Variants in XKR4 observed in about 807,000 individuals in gnomAD.
XKR4 encodes the protein XK-related protein 4.
In XKR4, 12 loss-of-function variants were observed where a neutral mutation model predicts 53.9. That is an observed-to-expected ratio of 0.22 (90% CI 0.14 to 0.36). The LOEUF (loss-of-function observed/expected upper bound fraction) is 0.36. Among genes scored for constraint, XKR4 ranks in the 10% least tolerant of loss-of-function variants. The pLI, the probability that XKR4 is intolerant of heterozygous loss-of-function variation, is 1.00. For synonymous variants in XKR4, 354 were observed against 362.4 expected (o/e 0.98, Z 0.26); for missense variants, 799 against 859.5 (o/e 0.93, Z 0.88).
At chr8:55,397,374 C>T (rs1241973770) in intron 2 of XKR4, among the ~76,000 whole-genome samples, 4 of 152,154 alleles carry the variant, frequency 2.6e-5, no homozygotes, top group Non-Finnish European at 5.9e-5. Flanking sequence ...CTTCTCACTG[C>T]TTTATTCAAA....
At chr8:55,254,462 TC>T in intron 1 of XKR4, among the ~76,000 whole-genome samples, 1 of 152,200 alleles carries the variant, frequency 6.6e-6, no homozygotes, top group South Asian at 2.1e-4. Context: ...CAAGTGCTTT[TC>T]TTTTTCTAGG....
chr8:55,194,326 C>T (rs1424140025), intron 1 of XKR4, among the ~76,000 whole-genome samples: 1 of 152,224 alleles, frequency 6.6e-6, no homozygotes, highest in East Asian at 1.9e-4. Flanking sequence ...AGGCCTCCCT[C>T]TCTGGCTGCT....
intron 1 of XKR4, among the ~76,000 whole-genome samples, chr8:55,234,831 T>C (rs565865941): frequency 9.1e-4 from 139 of 152,230 alleles, no homozygotes; most frequent in Non-Finnish European, 1.9e-3. Context: ...TCTCAGGACA[T>C]AGCGCAGACC....
chr8:55,417,313 C>A (rs1804865735), intron 2 of XKR4, among the ~76,000 whole-genome samples: 1 of 152,114 alleles, frequency 6.6e-6, no homozygotes, highest in Non-Finnish European at 1.5e-5. Context: ...AGAAGTTTTT[C>A]TTTTCTTTTC....
chr8:55,357,840 C>A lies in XKR4; in HGVS notation c.969C>A (p.Cys323Ter). The A allele has an allele frequency of 6.2e-7, 1 of 1,614,140 alleles. No individual in the cohort carries two copies. The highest frequency in any genetic ancestry group is 8.5e-7 in the Non-Finnish European group (1 of 1,180,012). ...ESAPQLVLQL[C>*]IIVQTHSLQA... is the part of the protein sequence containing the mutation. The stretch of plus-strand genomic sequence containing the variant: ...CTCCACAGCTGGTCCTGCAGCTCTG[C>A]ATTATCGTACAGACTCATAGCTTAC... The change falls in exon 2 of 3, where the codon TGC becomes TGA. Residue 323 changes from cysteine (C) to a stop codon, truncating the protein, a stop_gained. Coordinates refer to ENST00000327381, the MANE Select transcript of XKR4 (RefSeq NM_052898.2). LOFTEE classifies it high-confidence loss of function.
At chr8:55,111,476 C>T (rs1397462772) in intron 1 of XKR4, among the ~76,000 whole-genome samples, 4 of 152,002 alleles carry the variant, frequency 2.6e-5, no homozygotes. Flanking sequence ...AGGGACTTTC[C>T]AGGGTTGATA....
At chr8:55,383,316 C>T (rs1193568485) in intron 2 of XKR4, among the ~76,000 whole-genome samples, 2 of 152,244 alleles carry the variant, frequency 1.3e-5, no homozygotes, top group Admixed American at 6.5e-5. Flanking sequence ...TACCTAATTA[C>T]ATCTCTGACC....
intron 1 of XKR4, among the ~76,000 whole-genome samples, chr8:55,225,099 T>C (rs1457521191): frequency 6.6e-6 from 1 of 152,248 alleles, no homozygotes; most frequent in African/African-American, 2.4e-5. Context: ...CCTTAAGCTA[T>C]TCAAGTAAAT....
intron 1 of XKR4, among the ~76,000 whole-genome samples, chr8:55,112,153 A>C (rs749139068): frequency 1.1e-4 from 16 of 152,218 alleles, no homozygotes; most frequent in Non-Finnish European, 2.4e-4. Flanking sequence ...AATTATCTGA[A>C]CAAAGTATGT....
intron 2 of XKR4, among the ~76,000 whole-genome samples, chr8:55,472,232 G>A (rs1352760580): frequency 6.6e-6 from 1 of 152,048 alleles, no homozygotes; most frequent in African/African-American, 2.4e-5. Flanking sequence ...GGAGGGGATA[G>A]GTAGCTCTCA....
intron 1 of XKR4, among the ~76,000 whole-genome samples, chr8:55,154,454 A>G (rs1191461464): frequency 6.6e-6 from 1 of 152,188 alleles, no homozygotes; most frequent in African/African-American, 2.4e-5. Context: ...TTTAAATTTA[A>G]TTTTCTACTT....
intron 1 of XKR4, among the ~76,000 whole-genome samples, chr8:55,258,256 G>A (rs1313973016): frequency 6.6e-6 from 1 of 152,188 alleles, no homozygotes; most frequent in African/African-American, 2.4e-5. Context: ...AATGGGGAGG[G>A]AAGAGAGGTT....
chr8:55,325,391 C>G (rs2129379999), intron 1 of XKR4, among the ~76,000 whole-genome samples: 1 of 152,214 alleles, frequency 6.6e-6, no homozygotes. Context: ...ATTTCTTCCA[C>G]TCATCTCTTG....
Position 55,532,410 on chromosome 8 carries a change from A to T in XKR4, c.*8183A>T, listed in dbSNP as rs1806966401. The T allele has an allele frequency of 6.6e-6, 1 of 152,200 alleles. No homozygotes were observed. The allele number at this position is 152,200 out of a possible 1,614,324, so 9.4% of individuals were successfully genotyped here. A position where few individuals can be genotyped will look rare whatever the true frequency, so the allele number is the denominator to read the frequency against. The stretch of plus-strand genomic sequence containing the variant: ...AAATCAATACCAAAACTAATTAATC[A>T]AAATATTAAGCAAATATTACCAGCA... On this transcript the variant is annotated 3_prime_UTR_variant, in exon 3 of 3. Transcript: ENST00000327381.
At position 55,152,121 on chromosome 8, in the gene XKR4, A is replaced by G. The variant is rs190988298; in HGVS notation, c.806+48827A>G. 2.6e-3 allele frequency among the ~76,000 whole-genome samples: 395 copies of G among 152,294 alleles called. 1 individual carries two copies. The highest frequency in any genetic ancestry group is 8.4e-3 in the African/African-American group (348 of 41,554). ...ATAATTTCTACCCTTCCAATAGAAG[A>G]AAAGTAGTTTTGAAATTACCCTTAC... On this transcript the variant is annotated intron_variant, in intron 1 of 2. Coordinates refer to ENST00000327381, the MANE Select transcript of XKR4 (RefSeq NM_052898.2).
chr8:55,307,878 A>G (rs1057294296), intron 1 of XKR4, among the ~76,000 whole-genome samples: 2 of 152,220 alleles, frequency 1.3e-5, no homozygotes, highest in Non-Finnish European at 2.9e-5. Context: ...GAGCCACTCT[A>G]GCAAACAGCT....
intron 1 of XKR4, among the ~76,000 whole-genome samples, chr8:55,287,518 G>A (rs1397059746): frequency 6.6e-6 from 1 of 152,216 alleles, no homozygotes; most frequent in African/African-American, 2.4e-5. Flanking sequence ...GGAACCCAGA[G>A]CAAAACAGAA....
At chr8:55,133,145 G>A (rs1816581617) in intron 1 of XKR4, among the ~76,000 whole-genome samples, 1 of 152,192 alleles carries the variant, frequency 6.6e-6, no homozygotes. Flanking sequence ...CTAAATTCAT[G>A]TTCAAGAAAA....
Position 55,102,601 on chromosome 8 carries a change from T to C in XKR4, c.113T>C (p.Leu38Ser). The change falls in exon 1 of 3, where the codon TTG (leucine) becomes TCG (serine). Residue 38 changes from leucine (L) to serine (S), a missense_variant. Leu to Ser is a moderately radical substitution (Grantham distance 145, BLOSUM62 -2). This residue lies in a region of XKR4 where 476 missense variants were observed against 505.4 expected (regional missense o/e 0.94). Transcript: ENST00000327381. This position sits in a 1 kb window ranked among gnomAD's most constrained non-coding sequence, Gnocchi z 5.1. The part of the protein sequence containing the change: ...SGSVQGLAPG[L>S]PSGSGAEDEE... ...TCGGTGCAGGGATTGGCTCCAGGCT[T>C]GCCGTCGGGGTCGGGAGCCGAGGAC... 1.4e-6 allele frequency: 2 copies of C among 1,473,122 alleles called. No homozygotes were observed. The highest frequency in any genetic ancestry group is 9.1e-7 in the Non-Finnish European group (1 of 1,102,342). 91.3% of individuals were successfully genotyped at this position (1,473,122 alleles called of 1,614,324 possible).
Sources: gnomAD v4.1 joint callset for allele counts (sites outside exome capture counted in the v4.1 genomes callset) on GRCh38, gnomAD v4.1.1 for gene constraint, gnomAD v4.1.1 regional missense constraint, Gnocchi (gnomAD v3.1) non-coding constraint, MANE v1.5 for transcripts, NCBI Gene and HGNC (gene_info 2026-07-23, HGNC 2026-07-21) for gene names.